Variants in PEX13 observed in about 807,000 individuals in gnomAD.
The protein encoded by PEX13 is peroxisomal biogenesis factor 13, also known as peroxisome biogenesis factor 13.
In PEX13, 28 loss-of-function variants were observed where a neutral mutation model predicts 34.5. That is an observed-to-expected ratio of 0.81 (90% CI 0.60 to 1.11). The LOEUF (loss-of-function observed/expected upper bound fraction) is 1.11, where lower values mean the gene tolerates loss of function less well. Among genes scored for constraint, PEX13 ranks in the 50% most tolerant of loss-of-function variants. The probability of loss-of-function intolerance (pLI) is 0.00; values close to 1 mark genes in which losing one functional copy is unlikely to be tolerated. For missense variants in PEX13, 550 were observed against 491.0 expected (o/e 1.12, Z -1.13); for synonymous variants, 177 against 175.1 (o/e 1.01, Z -0.09).
chr2:61,048,507 A>G lies in PEX13; in HGVS notation c.949A>G (p.Ser317Gly). 1.2e-6 allele frequency: 2 copies of G among 1,614,132 alleles called. No homozygotes were observed. The highest frequency in any genetic ancestry group is 1.7e-6 in the Non-Finnish European group (2 of 1,179,996). Residue 317 changes from serine (S) to glycine (G), a missense_variant, in exon 4 of 4, where the codon AGC (serine) becomes GGC (glycine). By Grantham distance (56) the Ser-to-Gly change is moderately conservative (BLOSUM62 0). Transcript: ENST00000295030. ...CAAAGTGCGTGGTTGGCTTCTGGCT[A>G]GCCTTGATGGCCAAACAACAGGACT... The part of the protein sequence containing the change: ...QPKVRGWLLA[S>G]LDGQTTGLIP...
chr2:61,042,759 T>C (rs1474396556), intron 2 of PEX13, among the ~76,000 whole-genome samples: 1 of 152,174 alleles, frequency 6.6e-6, no homozygotes, highest in Admixed American at 6.5e-5. Context: ...TCATGGTCAT[T>C]GCAACAGCCA....
intron 2 of PEX13, among the ~76,000 whole-genome samples, chr2:61,035,946 G>A (rs1276336192): frequency 6.7e-6 from 1 of 148,238 alleles, no homozygotes; most frequent in Non-Finnish European, 1.5e-5. Context: ...TCACACCATT[G>A]CACTCCAGCC....
chr2:61,047,204 C>T (rs1680716788), intron 3 of PEX13, among the ~76,000 whole-genome samples: 1 of 151,730 alleles, frequency 6.6e-6, no homozygotes, highest in East Asian at 1.9e-4. Context: ...TGCTCAGGCT[C>T]GAGTGCAGTG....
intron 3 of PEX13, 105 bp from the exon 4 acceptor site, chr2:61,048,367 T>C: frequency 1.1e-6 from 1 of 893,976 alleles, no homozygotes; most frequent in Middle Eastern, 2.3e-4. Context: ...TGTTATCTAC[T>C]ATGTAAGCAT....
chr2:61,046,036 G>A (rs1404749881), intron 3 of PEX13, among the ~76,000 whole-genome samples, 185 bp downstream of exon 3: 3 of 152,162 alleles, frequency 2.0e-5, no homozygotes, highest in Non-Finnish European at 2.9e-5. Flanking sequence ...CCCCAGCAGA[G>A]TTATTCGAAT....
chr2:61,047,717 G>A (rs764146901), intron 3 of PEX13, among the ~76,000 whole-genome samples: 2 of 152,070 alleles, frequency 1.3e-5, no homozygotes, highest in Non-Finnish European at 2.9e-5. Flanking sequence ...GAACAAAATC[G>A]GTCGTAGACA....
intron 1 of PEX13, among the ~76,000 whole-genome samples, chr2:61,026,470 C>T (rs997526727): frequency 2.0e-5 from 3 of 151,626 alleles, no homozygotes; most frequent in Admixed American, 1.3e-4. Flanking sequence ...GCCTCAGCCA[C>T]CCGAGGAGCT....
Position 61,025,737 on chromosome 2 carries a change from C to G in PEX13, c.93-5682C>G, listed in dbSNP as rs192527201. 1.6e-3 allele frequency among the ~76,000 whole-genome samples: 251 copies of G among 152,290 alleles called. 2 individuals are homozygous for G. Among genetic ancestry groups the G allele is most frequent in the Middle Eastern group, 0.01 (3 of 294 alleles). ...TGATTTGAGGCCTAAGGATATCTTT[C>G]TCTAAAGACTTTTCCTTTTGACCAG... On this transcript the variant is annotated intron_variant, in intron 1 of 3. Transcript: ENST00000295030.
At position 61,049,237 on chromosome 2, in the gene PEX13, A is replaced by G. The variant is rs557090073; in HGVS notation, c.*467A>G. On this transcript the variant is annotated 3_prime_UTR_variant, in exon 4 of 4. Transcript: ENST00000295030. ...TACAACCTTAAGTAATCTCAATAATAAAATTTTCTGATCTGTATTATATCC... is the reference window on the plus strand; with the variant it reads ...TACAACCTTAAGTAATCTCAATAATGAAATTTTCTGATCTGTATTATATCC... The G allele has an allele frequency of 2.5e-5, 4 of 160,728 alleles. No homozygotes were observed. The highest frequency in any genetic ancestry group is 9.6e-5 in the African/African-American group (4 of 41,562). The allele number at this position is 160,728 out of a possible 1,614,324, so 10.0% of individuals were successfully genotyped here.
Position 61,049,472 on chromosome 2 carries a change from C to G in PEX13, c.*702C>G, listed in dbSNP as rs1680760804. 1.3e-5 allele frequency: 2 copies of G among 152,312 alleles called. No individual in the cohort carries two copies. Among genetic ancestry groups the G allele is most frequent in the South Asian group, 2.1e-4 (1 of 4,822 alleles). 9.4% of individuals were successfully genotyped at this position (152,312 alleles called of 1,614,324 possible). On this transcript the variant is annotated 3_prime_UTR_variant, in exon 4 of 4. Coordinates refer to ENST00000295030, the MANE Select transcript of PEX13 (RefSeq NM_002618.4). Reference sequence around the variant, plus strand: ...ACTGTTCCATTTCTTCTAAGGATCCCTTAATTATTTATCTCTTTAAGCCAG... The same window carrying G: ...ACTGTTCCATTTCTTCTAAGGATCCGTTAATTATTTATCTCTTTAAGCCAG...
chr2:61,044,369 A>G (rs949511601), intron 2 of PEX13, among the ~76,000 whole-genome samples: 1 of 152,266 alleles, frequency 6.6e-6, no homozygotes, highest in South Asian at 2.1e-4. Flanking sequence ...CCCAGGTTCA[A>G]GCGATTCAAG....
intron 2 of PEX13, among the ~76,000 whole-genome samples, chr2:61,032,504 A>G (rs560631466): frequency 2.8e-4 from 43 of 152,332 alleles, no homozygotes; most frequent in African/African-American, 1.0e-3. Flanking sequence ...CTTTTTTAAT[A>G]TGCAAGACAC....
chr2:61,031,736 T>C lies in PEX13; in HGVS notation c.410T>C (p.Val137Ala). ...RGAFQSIESI[V>A]HAFASVSMMM... is the part of the protein sequence containing the mutation. ...GCATTTCAGTCCATTGAAAGTATTG[T>C]GCATGCATTTGCCTCTGTCAGTATG... The change falls in exon 2 of 4, where the codon GTG (valine) becomes GCG (alanine). Residue 137 changes from valine to alanine, a missense_variant. By Grantham distance (64) the Val-to-Ala change is moderately conservative. Coordinates refer to ENST00000295030, the MANE Select transcript of PEX13 (RefSeq NM_002618.4). 1 of 1,614,218 alleles carries C rather than the reference T, an allele frequency of 6.2e-7. No homozygotes were observed. The highest frequency in any genetic ancestry group is 1.3e-5 in the African/African-American group (1 of 75,072).
chr2:61,048,688 T>C lies in PEX13; in HGVS notation c.1130T>C (p.Phe377Ser). 1 of 1,614,040 alleles carries C rather than the reference T, an allele frequency of 6.2e-7. No individual in the cohort carries two copies. Among genetic ancestry groups the C allele is most frequent in the South Asian group, 1.1e-5 (1 of 91,080 alleles). The change falls in exon 4 of 4, where the codon TTT becomes TCT. Residue 377 changes from phenylalanine (F) to serine (S), a missense_variant. By Grantham distance (155) the Phe-to-Ser change is radical. Transcript: ENST00000295030. ...TCTTTGGATGAACAGGAAGCTGCCT[T>C]TGAATCTGTTTTTGTTGAAACTAAT... Reference protein sequence around the residue: ...ADSLDEQEAAFESVFVETNKV... With the variant: ...ADSLDEQEAASESVFVETNKV...
chr2:61,038,356 A>G (rs1397198949), intron 2 of PEX13, among the ~76,000 whole-genome samples: 3 of 152,222 alleles, frequency 2.0e-5, no homozygotes, highest in South Asian at 2.1e-4. Context: ...AAAATCCTCA[A>G]TAAAATATTG....
chr2:61,031,922 T>C lies in PEX13; in HGVS notation c.596T>C (p.Leu199Ser). 6.2e-7 allele frequency: 1 copy of C among 1,614,108 alleles called. No homozygotes were observed. Among genetic ancestry groups the C allele is most frequent in the East Asian group, 2.2e-5 (1 of 44,888 alleles). Residue 199 changes from leucine (L) to serine (S), a missense_variant, in exon 2 of 4, where the codon TTA (leucine) becomes TCA (serine). Leu to Ser is a moderately radical substitution (Grantham distance 145). Coordinates refer to ENST00000295030, the MANE Select transcript of PEX13 (RefSeq NM_002618.4). ...RYLYRRLQRM[L>S]GLRRGSENED... ...CTTTACAGACGGCTACAGCGGATGTTAGGTTTAAGAAGAGGCTCTGAGAAT... is the reference window on the plus strand; with the variant it reads ...CTTTACAGACGGCTACAGCGGATGTCAGGTTTAAGAAGAGGCTCTGAGAAT...
chr2:61,039,742 G>A (rs935979194), intron 2 of PEX13, among the ~76,000 whole-genome samples: 3 of 152,204 alleles, frequency 2.0e-5, no homozygotes, highest in Non-Finnish European at 2.9e-5. Context: ...ATAGACAGAT[G>A]GGATCTAATT....
intron 1 of PEX13, among the ~76,000 whole-genome samples, chr2:61,026,043 C>T (rs934613838): frequency 6.6e-6 from 1 of 152,068 alleles, no homozygotes; most frequent in Non-Finnish European, 1.5e-5. Context: ...CTGGAATTGG[C>T]CCTGGTTTCT....
At chr2:61,045,464 C>T (rs1680690897) in intron 2 of PEX13, among the ~76,000 whole-genome samples, 1 of 152,178 alleles carries the variant, frequency 6.6e-6, no homozygotes. Context: ...TATTAACTAT[C>T]TGACCCTTTT....
Sources: allele counts gnomAD v4.1 joint callset (sites outside exome capture counted in the v4.1 genomes callset), GRCh38; gene constraint gnomAD v4.1.1; transcripts MANE v1.5; gene names NCBI Gene and HGNC (gene_info 2026-07-23, HGNC 2026-07-21).